Variants in GLYATL3 observed in about 807,000 individuals in gnomAD.
The protein encoded by GLYATL3 is glycine N-acyltransferase-like protein 3.
GLYATL3 carries 31 observed loss-of-function variants against 28.5 expected under a neutral mutation model. That is an observed-to-expected ratio of 1.09 (90% CI 0.82 to 1.47). GLYATL3 has a LOEUF of 1.47. Among genes scored for constraint, GLYATL3 ranks in the 40% most tolerant of loss-of-function variants. The pLI is 0.00. For synonymous variants in GLYATL3, 141 were observed against 140.2 expected, an observed-to-expected ratio of 1.01 and a Z score of -0.04; for missense variants, 369 against 351.5, an observed-to-expected ratio of 1.05 and a Z score of -0.40.
Position 49,526,746 on chromosome 6 carries a change from G to A in GLYATL3, c.699G>A (p.Thr233=). The change falls in exon 6 of 6, where the codon ACG becomes ACA. Residue 233 remains threonine, a synonymous_variant. Coordinates refer to ENST00000371197, the MANE Select transcript of GLYATL3 (RefSeq NM_001010904.2). ...RKGYSRLVAL[T]LARKLQSRGF... ...GTTACAGCCGGCTGGTGGCCCTCAC[G>A]CTGGCCAGGAAGTTGCAAAGCCGGG... is the stretch of plus-strand genomic sequence containing the variant. The A allele has an allele frequency of 5.2e-6, 8 of 1,551,700 alleles. No individual in the cohort carries two copies. Among genetic ancestry groups the A allele is most frequent in the East Asian group, 2.4e-5 (1 of 40,894 alleles).
chr6:49,514,701 G>A (rs775794200), intron 2 of GLYATL3, among the ~76,000 whole-genome samples: 38 of 152,112 alleles, frequency 2.5e-4, no homozygotes, highest in Non-Finnish European at 4.6e-4. Flanking sequence ...AGGTGTGGTG[G>A]TGCTTGCCTT....
chr6:49,517,379 G>T, intron 3 of GLYATL3, 51 bp from the exon 4 acceptor site: 1 of 1,447,776 alleles, frequency 6.9e-7, no homozygotes, highest in Non-Finnish European at 9.2e-7. Context: ...CTAAGATTTG[G>T]ATTATCCAGA....
At chr6:49,512,479 T>C (rs1257465336) in intron 2 of GLYATL3, among the ~76,000 whole-genome samples, 1 of 152,062 alleles carries the variant, frequency 6.6e-6, no homozygotes, top group Non-Finnish European at 1.5e-5. Context: ...AACTACACTT[T>C]TCATAGTCAC....
chr6:49,523,135 A>G (rs1280913339), intron 5 of GLYATL3, among the ~76,000 whole-genome samples: 1 of 152,206 alleles, frequency 6.6e-6, no homozygotes, highest in Non-Finnish European at 1.5e-5. Flanking sequence ...GATAAAATGC[A>G]AAATCAACAA....
chr6:49,504,240 C>CTT (rs59768534), intron 1 of GLYATL3, among the ~76,000 whole-genome samples: 5,268 of 139,236 alleles, frequency 0.038, 128 homozygotes, highest in African/African-American at 0.058. Context: ...TTTTCTTTTT[C>CTT]TTTTTTTTTT....
intron 1 of GLYATL3, among the ~76,000 whole-genome samples, chr6:49,508,011 G>GT (rs907910393): frequency 4.1e-4 from 62 of 152,264 alleles, no homozygotes; most frequent in African/African-American, 1.4e-3. Flanking sequence ...ACAATATAGC[G>GT]TGTGCATCAG....
intron 1 of GLYATL3, among the ~76,000 whole-genome samples, chr6:49,504,783 C>T (rs1005566533): frequency 1.3e-5 from 2 of 152,020 alleles, no homozygotes; most frequent in Non-Finnish European, 2.9e-5. Flanking sequence ...CTGTTTTGCG[C>T]TCACTAAGAA....
intron 1 of GLYATL3, among the ~76,000 whole-genome samples, chr6:49,507,086 G>A (rs1020654239): frequency 3.3e-5 from 5 of 152,064 alleles, no homozygotes; most frequent in Non-Finnish European, 7.4e-5. Flanking sequence ...GGCAGAGGGT[G>A]GGGATCATCA....
At chr6:49,511,919 T>A in intron 1 of GLYATL3, 44 bp from the exon 2 acceptor site, 1 of 733,308 alleles carries the variant, frequency 1.4e-6, no homozygotes, top group Non-Finnish European at 2.2e-6. Context: ...GATCCAAATA[T>A]TAACAGGCAA....
At chr6:49,500,141 C>G (rs1223353800) in intron 1 of GLYATL3, 99 bp downstream of exon 1, 1 of 152,106 alleles carries the variant, frequency 6.6e-6, no homozygotes, top group African/African-American at 2.4e-5. Flanking sequence ...CAACCTTATA[C>G]AGAACGAATA....
chr6:49,518,757 G>A (rs1769260528), intron 4 of GLYATL3, among the ~76,000 whole-genome samples: 1 of 151,940 alleles, frequency 6.6e-6, no homozygotes, highest in Non-Finnish European at 1.5e-5. Flanking sequence ...TGGCTAACAC[G>A]GTGAAACCCC....
At chr6:49,524,660 T>C (rs1314484993) in intron 5 of GLYATL3, among the ~76,000 whole-genome samples, 1 of 152,100 alleles carries the variant, frequency 6.6e-6, no homozygotes, top group African/African-American at 2.4e-5. Flanking sequence ...CTATTTAACC[T>C]AGAAAACAGC....
chr6:49,516,575 A>G (rs1422374840), intron 3 of GLYATL3, among the ~76,000 whole-genome samples: 1 of 152,108 alleles, frequency 6.6e-6, no homozygotes, highest in Non-Finnish European at 1.5e-5. Flanking sequence ...CCACTGAGTT[A>G]TATACCCTCT....
chr6:49,507,807 C>T (rs1483721711), intron 1 of GLYATL3, among the ~76,000 whole-genome samples: 1 of 152,100 alleles, frequency 6.6e-6, no homozygotes, highest in Non-Finnish European at 1.5e-5. Context: ...AGGGGGGTCA[C>T]CACCTTCTGG....
intron 4 of GLYATL3, 113 bp from the exon 5 acceptor site, chr6:49,521,532 G>A: frequency 1.2e-6 from 1 of 812,506 alleles, no homozygotes; most frequent in South Asian, 1.9e-5. Context: ...GATAATACAA[G>A]GTGGCAAACT....
chr6:49,515,260 A>G (rs1480612), intron 2 of GLYATL3, among the ~76,000 whole-genome samples: 61,739 of 151,938 alleles, frequency 0.41, 13,186 homozygotes, highest in East Asian at 0.62. Context: ...CTGAGCATCA[A>G]AATTATTTGC....
intron 5 of GLYATL3, among the ~76,000 whole-genome samples, chr6:49,522,490 A>G (rs1189180595): frequency 6.6e-6 from 1 of 152,196 alleles, no homozygotes; most frequent in African/African-American, 2.4e-5. Flanking sequence ...TTAAATTAAT[A>G]TCATTTTAAA....
At chr6:49,507,213 G>A (rs917710157) in intron 1 of GLYATL3, among the ~76,000 whole-genome samples, 6 of 152,040 alleles carry the variant, frequency 3.9e-5, no homozygotes, top group South Asian at 2.1e-4. Context: ...CATCATCCAC[G>A]TTAACTTGTG....
chr6:49,500,442 TG>T (rs1483715615), intron 1 of GLYATL3, among the ~76,000 whole-genome samples: 1 of 152,218 alleles, frequency 6.6e-6, no homozygotes, highest in East Asian at 1.9e-4. Flanking sequence ...ACCATTATAT[TG>T]TAAATATTGT....
Sources: allele counts gnomAD v4.1 joint callset (sites outside exome capture counted in the v4.1 genomes callset), GRCh38; gene constraint gnomAD v4.1.1; transcripts MANE v1.5; gene names NCBI Gene and HGNC (gene_info 2026-07-23, HGNC 2026-07-21).